The following FABP9 variants were observed in gnomAD, a reference collection of about 807,000 sequenced individuals.
FABP9 encodes the protein fatty acid-binding protein 9.
A neutral mutation model predicts 14.7 loss-of-function variants in FABP9; 11 were observed. The ratio of observed to expected loss-of-function variants is 0.75; its 90% CI spans 0.47 to 1.24. The LOEUF (loss-of-function observed/expected upper bound fraction) is 1.24, where lower values mean the gene tolerates loss of function less well. Ranked by LOEUF, FABP9 falls within the 50% of genes most tolerant of loss-of-function variation. The probability of loss-of-function intolerance (pLI) is 0.00; values close to 1 mark genes in which losing one functional copy is unlikely to be tolerated. For synonymous variants in FABP9, 54 were observed against 50.6 expected (o/e 1.07, Z -0.29); for missense variants, 171 against 158.2 (o/e 1.08, Z -0.44).
At position 81,459,162 on chromosome 8, in the gene FABP9, G is replaced by T; in HGVS notation, c.246+3C>A. 1 of 1,585,136 alleles carries T rather than the reference G, an allele frequency of 6.3e-7. No homozygotes were observed. Among genetic ancestry groups the T allele is most frequent in the South Asian group, 1.2e-5 (1 of 85,062 alleles). ...TTGAACACCAGGAAGAATTAGTTCTGACCTTTACTTTCCGGTTGTCTGCTG... is the reference window on the plus strand; with the variant it reads ...TTGAACACCAGGAAGAATTAGTTCTTACCTTTACTTTCCGGTTGTCTGCTG... On this transcript the variant is annotated splice_donor_region_variant and intron_variant, in intron 2 of 3. Coordinates refer to ENST00000379071, the MANE Select transcript of FABP9 (RefSeq NM_001080526.2).
Sources: allele counts gnomAD v4.1 joint callset, GRCh38; gene constraint gnomAD v4.1.1; transcripts MANE v1.5; gene names NCBI Gene and HGNC (gene_info 2026-07-23, HGNC 2026-07-21).